RAB11FIP3: variants seen among roughly 807,000 people sequenced by gnomAD.
The protein encoded by RAB11FIP3 is RAB11 family interacting protein 3.
Under a neutral mutation model 77.8 loss-of-function variants are expected in RAB11FIP3, and 17 were observed. The observed-to-expected ratio is 0.22, with a 90% CI of 0.15 to 0.33. RAB11FIP3 has a LOEUF of 0.33. Among genes scored for constraint, RAB11FIP3 ranks in the 10% least tolerant of loss-of-function variants. RAB11FIP3 has a pLI of 1.00. For synonymous variants in RAB11FIP3, 437 were observed against 448.2 expected (o/e 0.98, Z 0.31); for missense variants, 1,005 against 1,011.2 (o/e 0.99, Z 0.08).
At chr16:484,496 C>T (rs1028003387) in intron 4 of RAB11FIP3, among the ~76,000 whole-genome samples, 5 of 152,068 alleles carry the variant, frequency 3.3e-5, no homozygotes, top group South Asian at 2.1e-4. Flanking sequence ...GGATTACAGG[C>T]GCCCGCCACC....
chr16:478,792 C>A (rs919285151), intron 3 of RAB11FIP3, among the ~76,000 whole-genome samples: 2 of 151,816 alleles, frequency 1.3e-5, no homozygotes, highest in African/African-American at 4.8e-5. Flanking sequence ...ATAGCAAAAC[C>A]TCGTCTCTAC....
chr16:468,878 A>G (rs1236030898), intron 2 of RAB11FIP3, among the ~76,000 whole-genome samples: 1 of 152,190 alleles, frequency 6.6e-6, no homozygotes, highest in Admixed American at 6.5e-5. Flanking sequence ...ATCTGTGTTC[A>G]TATCCCCTGC....
Position 489,527 on chromosome 16 carries a change from C to T in RAB11FIP3, c.1265+527C>T, listed in dbSNP as rs372920223. 9.8e-4 allele frequency among the ~76,000 whole-genome samples: 149 copies of T among 152,314 alleles called. 3 individuals are homozygous for T. In the South Asian group the frequency reaches 0.022, roughly 23 times the overall value. The stretch of plus-strand genomic sequence containing the variant: ...GGATCCGAACATGGGGGTCTGGGTA[C>T]GTACTTCTGAGGGCTAGGGGCTCCC... On this transcript the variant is annotated intron_variant, in intron 5 of 13. Coordinates refer to ENST00000262305, the MANE Select transcript of RAB11FIP3 (RefSeq NM_014700.4).
intron 1 of RAB11FIP3, among the ~76,000 whole-genome samples, chr16:446,690 C>T (rs540067467): frequency 4.1e-4 from 62 of 152,148 alleles, no homozygotes; most frequent in Admixed American, 1.2e-3. Flanking sequence ...ATTCATATAT[C>T]TCAAACTTTT....
At chr16:458,133 T>G (rs2055534070) in intron 1 of RAB11FIP3, among the ~76,000 whole-genome samples, 1 of 152,214 alleles carries the variant, frequency 6.6e-6, no homozygotes, top group Non-Finnish European at 1.5e-5. Flanking sequence ...TGTTTGAGCC[T>G]GACTTTATGA....
chr16:512,981 G>C (rs994393478), intron 9 of RAB11FIP3, among the ~76,000 whole-genome samples: 44 of 152,014 alleles, frequency 2.9e-4, no homozygotes, highest in African/African-American at 1.1e-3. Context: ...TGTGCCCGCC[G>C]AGGCACAAGC....
rs762574064 is a variant in RAB11FIP3, at chr16:507,024, C to G, written c.1499+1397C>G. 9.2e-5 allele frequency among the ~76,000 whole-genome samples: 14 copies of G among 152,118 alleles called. No homozygotes were observed. The highest frequency in any genetic ancestry group is 1.8e-4 in the Non-Finnish European group (12 of 68,004). On this transcript the variant is annotated intron_variant, in intron 8 of 13. Transcript: ENST00000262305. This position sits in a 1 kb window ranked among gnomAD's most constrained non-coding sequence, Gnocchi z 4.6. ...CTCTGTTGCTCAGGCTGAGTGCTGA[C>G]TACAGCCTCCACCTCCCAGGCTCAA...
chr16:427,146 C>T (rs1192946511), intron 1 of RAB11FIP3, among the ~76,000 whole-genome samples: 2 of 152,238 alleles, frequency 1.3e-5, no homozygotes, highest in Non-Finnish European at 2.9e-5. Flanking sequence ...GTTCTAGCCG[C>T]AGAGGCCAGG....
intron 5 of RAB11FIP3, among the ~76,000 whole-genome samples, chr16:490,077 G>A (rs768078259): frequency 9.2e-5 from 14 of 152,202 alleles, no homozygotes; most frequent in East Asian, 1.9e-4. Flanking sequence ...CTCTTCCTAC[G>A]TGTTTAGTTT....
rs36191299 is a variant in RAB11FIP3, at chr16:468,088, A to T, written c.809-3207A>T. 1.0e-3 allele frequency among the ~76,000 whole-genome samples: 26 copies of T among 25,350 alleles called. 2 individuals are homozygous for T. The highest frequency in any genetic ancestry group is 2.5e-3 in the Admixed American group (6 of 2,406). The allele number at this position is 25,350 out of a possible 152,430, so 16.6% of individuals were successfully genotyped here. A position where few individuals can be genotyped will look rare whatever the true frequency, so the allele number is the denominator to read the frequency against. ...TGCAGGGAAGTGAGGGAGGAGGTGC[A>T]GGGGCGTCAGGGAGGAGGTGCTGGG... On this transcript the variant is annotated intron_variant, in intron 2 of 13. Coordinates refer to ENST00000262305, the MANE Select transcript of RAB11FIP3 (RefSeq NM_014700.4).
At chr16:511,107 G>A in intron 9 of RAB11FIP3, among the ~76,000 whole-genome samples, 1 of 88,486 alleles carries the variant, frequency 1.1e-5, no homozygotes, top group African/African-American at 4.9e-5. Flanking sequence ...GAAGTTCCCC[G>A]ACGGCCCGCC....
At chr16:492,458 CCGGGGAGACCCGAGGCCGCCCAGGGCCCT>C (rs2030560087) in intron 5 of RAB11FIP3, among the ~76,000 whole-genome samples, 8 of 74,422 alleles carry the variant, frequency 1.1e-4, no homozygotes, top group South Asian at 4.2e-4. Flanking sequence ...AGGGCCCTTC[CCGGGGAGACCCGAGGCCGCCCAGGGCCCT>C]CCCGGGAGAC....
At position 506,409 on chromosome 16, in the gene RAB11FIP3, T is replaced by A. The variant is rs1173810891; in HGVS notation, c.1499+782T>A. On this transcript the variant is annotated intron_variant, in intron 8 of 13. Coordinates refer to ENST00000262305, the MANE Select transcript of RAB11FIP3 (RefSeq NM_014700.4). This position sits in a 1 kb window ranked among gnomAD's most constrained non-coding sequence, Gnocchi z 4.5. The stretch of plus-strand genomic sequence containing the variant: ...AGGCCTATGAGGCACCTGTGGGATC[T>A]GCAGAAGAGGTTCTTCCTGTGAGCT... 3.3e-5 allele frequency among the ~76,000 whole-genome samples: 5 copies of A among 152,178 alleles called. No homozygotes were observed. The highest frequency in any genetic ancestry group is 7.4e-5 in the Non-Finnish European group (5 of 68,014).
chr16:493,423 T>C (rs1883718737), intron 5 of RAB11FIP3, among the ~76,000 whole-genome samples: 2 of 152,126 alleles, frequency 1.3e-5, no homozygotes, highest in Non-Finnish European at 2.9e-5. Flanking sequence ...GCTTATTTGG[T>C]CATGCTTTGT....
intron 1 of RAB11FIP3, chr16:439,380 A>G (rs964603832): frequency 6.6e-6 from 1 of 152,216 alleles, no homozygotes; most frequent in East Asian, 1.9e-4. Context: ...TGTAAACACC[A>G]CTGCACTAGG....
chr16:485,153 C>T (rs919467432), intron 4 of RAB11FIP3, among the ~76,000 whole-genome samples: 4 of 152,138 alleles, frequency 2.6e-5, no homozygotes, highest in African/African-American at 4.8e-5. Flanking sequence ...GTGGCAACTG[C>T]TCAGCCCGGC....
rs748379182 is a variant in RAB11FIP3 at position 506,634 on chromosome 16, T to G, written c.1499+1007T>G. Among the ~76,000 whole-genome samples the G allele has an allele frequency of 1.3e-5, 2 of 152,306 alleles. No homozygotes were observed. The highest frequency in any genetic ancestry group is 1.3e-4 in the Admixed American group (2 of 15,284). On this transcript the variant is annotated intron_variant, in intron 8 of 13. Transcript: ENST00000262305. This position sits in a 1 kb window ranked among gnomAD's most constrained non-coding sequence, Gnocchi z 4.5. ...CCCCAAAGCCCCCAAGCCCTCACCC[T>G]CACGGTACTAACATTTGTGACCATC... is the stretch of plus-strand genomic sequence containing the variant.
At chr16:495,837 G>C (rs2031077253) in intron 5 of RAB11FIP3, among the ~76,000 whole-genome samples, 2 of 152,120 alleles carry the variant, frequency 1.3e-5, no homozygotes, top group African/African-American at 4.8e-5. Flanking sequence ...TGCAACCTCT[G>C]CCTCCCGGGT....
chr16:456,699 G>A (rs570939827), intron 1 of RAB11FIP3, among the ~76,000 whole-genome samples: 2 of 152,310 alleles, frequency 1.3e-5, no homozygotes, highest in African/African-American at 4.8e-5. Flanking sequence ...GGAGGTTGTA[G>A]TGAGCTGAGG....
Sources: gnomAD v4.1 joint callset for allele counts (sites outside exome capture counted in the v4.1 genomes callset) on GRCh38, gnomAD v4.1.1 for gene constraint, Gnocchi (gnomAD v3.1) non-coding constraint, MANE v1.5 for transcripts, NCBI Gene and HGNC (gene_info 2026-07-23, HGNC 2026-07-21) for gene names.